PIGN: variants seen among roughly 807,000 people sequenced by gnomAD.
PIGN encodes the protein phosphatidylinositol glycan anchor biosynthesis class N, also known as GPI ethanolamine phosphate transferase 1.
A neutral mutation model predicts 125.4 loss-of-function variants in PIGN; 117 were observed. That is an observed-to-expected ratio of 0.93 (90% CI 0.80 to 1.09). PIGN has a LOEUF of 1.09. Among genes scored for constraint, PIGN ranks in the 50% least tolerant of loss-of-function variants. The probability of loss-of-function intolerance (pLI) is 0.00; values close to 1 mark genes in which losing one functional copy is unlikely to be tolerated. For synonymous variants in PIGN, 392 were observed against 377.8 expected, an observed-to-expected ratio of 1.04 and a Z score of -0.44; for missense variants, 1,075 against 1,094.9, an observed-to-expected ratio of 0.98 and a Z score of 0.26.
intron 20 of PIGN, among the ~76,000 whole-genome samples, chr18:62,104,413 A>G (rs1260415113): frequency 6.6e-6 from 1 of 152,188 alleles, no homozygotes; most frequent in Admixed American, 6.5e-5. Context: ...GAAACAATAC[A>G]AGAGCTTACA....
intron 16 of PIGN, among the ~76,000 whole-genome samples, chr18:62,110,855 T>A (rs2034848667): frequency 6.8e-6 from 1 of 147,666 alleles, no homozygotes; most frequent in South Asian, 2.1e-4. Context: ...AATATATATA[T>A]AATACATATA....
intron 23 of PIGN, among the ~76,000 whole-genome samples, chr18:62,090,856 G>C (rs2033922237): frequency 6.6e-6 from 1 of 151,918 alleles, no homozygotes; most frequent in African/African-American, 2.4e-5. Context: ...ATACATAAAA[G>C]AGAAAGAAGG....
intron 8 of PIGN, among the ~76,000 whole-genome samples, chr18:62,147,925 C>A (rs749385317): frequency 6.6e-5 from 10 of 151,926 alleles, no homozygotes; most frequent in Non-Finnish European, 1.3e-4. Context: ...GAAAATATTT[C>A]TAAAATATAT....
Position 62,146,988 on chromosome 18 carries a change from T to C in PIGN, c.788A>G (p.His263Arg), listed in dbSNP as rs769911366. Residue 263 changes from histidine (H) to arginine (R), a missense_variant, in exon 9 of 31, where the codon CAT becomes CGT. Coordinates refer to ENST00000640252, the MANE Select transcript of PIGN (RefSeq NM_176787.5). ...ACACTAACCCCAGTCTGTCATTCCA[T>C]GGTCAGAGGTAAAGATAAATGTTGT... ...GKTTFIFTSD[H>R]GMTDWGSHGA... is the part of the protein sequence containing the mutation. 6.2e-7 allele frequency: 1 copy of C among 1,612,100 alleles called. No homozygotes were observed. The highest frequency in any genetic ancestry group is 1.1e-5 in the South Asian group (1 of 91,042).
rs1331235783 is a variant in PIGN at position 62,042,585 on chromosome 18, GTAA to G, written c.*3268_*3270del. On this transcript the variant is annotated 3_prime_UTR_variant, in exon 31 of 31. Transcript: ENST00000640252. ...GTACTTTTCATGAGTTTACCCAAGA[GTAA>G]TAATAATTCTAGATTTTAGCCCTGT... 1 of 151,880 alleles carries G rather than the reference GTAA, an allele frequency of 6.6e-6. No homozygotes were observed. The highest frequency in any genetic ancestry group is 1.9e-4 in the East Asian group (1 of 5,198). 9.4% of individuals were successfully genotyped at this position (151,880 alleles called of 1,614,324 possible).
intron 23 of PIGN, among the ~76,000 whole-genome samples, chr18:62,021,236 A>G (rs1310471213): frequency 1.3e-5 from 2 of 152,230 alleles, no homozygotes; most frequent in African/African-American, 4.8e-5. Flanking sequence ...AAACCGCCAA[A>G]CAGAGAACAA....
chr18:62,038,420 C>T (rs2030290746), downstream of PIGN, among the ~76,000 whole-genome samples: 1 of 145,504 alleles, frequency 6.9e-6, no homozygotes, highest in Non-Finnish European at 1.5e-5. Context: ...TAGAAACTTT[C>T]TCTCAGTTGC....
chr18:62,141,807 G>A (rs967126111), intron 11 of PIGN, among the ~76,000 whole-genome samples: 3 of 152,128 alleles, frequency 2.0e-5, no homozygotes, highest in African/African-American at 7.2e-5. Context: ...AAGGGGCTGC[G>A]CCTCCCTTCT....
intron 23 of PIGN, among the ~76,000 whole-genome samples, chr18:62,092,525 A>T (rs1353488111): frequency 2.0e-5 from 3 of 152,086 alleles, no homozygotes; most frequent in Non-Finnish European, 4.4e-5. Flanking sequence ...AACAAAATCC[A>T]TATCATGAAA....
intron 30 of PIGN, among the ~76,000 whole-genome samples, chr18:62,055,706 TATA>T (rs1335118077): frequency 6.6e-6 from 1 of 152,102 alleles, no homozygotes; most frequent in African/African-American, 2.4e-5. Context: ...CATGTGAATC[TATA>T]ATAATGTTAA....
Position 62,101,172 on chromosome 18 carries a change from T to C in PIGN, c.1980A>G (p.Thr660=), listed in dbSNP as rs774703154. The part of the protein sequence containing the change: ...LLVHLLQVLS[T]VLSMYVVYST... ...TATACACAACATACATGGAGAGCAC[T>C]GTGCTCAGCACCTAAAGACAAAGAT... The change falls in exon 22 of 31, where the codon ACA becomes ACG. Residue 660 remains threonine (T), a synonymous_variant. Coordinates refer to ENST00000640252, the MANE Select transcript of PIGN (RefSeq NM_176787.5). The C allele has an allele frequency of 1.3e-6, 2 of 1,594,176 alleles. No homozygotes were observed. Among genetic ancestry groups the C allele is most frequent in the South Asian group, 1.1e-5 (1 of 90,454 alleles).
intron 10 of PIGN, 21 bp downstream of exon 10, chr18:62,145,888 C>A (rs761532482): frequency 7.0e-6 from 8 of 1,148,348 alleles, no homozygotes; most frequent in Admixed American, 1.7e-5. Context: ...TATTTATAAA[C>A]CAGTAAAGAA....
intron 10 of PIGN, among the ~76,000 whole-genome samples, chr18:62,143,855 T>C (rs1165415766): frequency 6.6e-6 from 1 of 152,210 alleles, no homozygotes. Flanking sequence ...ATTATTAAAA[T>C]TGTCTTCAAA....
At chr18:62,174,077 G>A (rs1032149060) in intron 1 of PIGN, among the ~76,000 whole-genome samples, 17 of 152,090 alleles carry the variant, frequency 1.1e-4, no homozygotes, top group African/African-American at 3.4e-4. Context: ...AGCTGGGCAT[G>A]GTGGCGGGCA....
rs575072513 is a variant in PIGN at position 62,124,379 on chromosome 18, A to G, written c.1173-9740T>C. On this transcript the variant is annotated intron_variant, in intron 14 of 30. Coordinates refer to ENST00000640252, the MANE Select transcript of PIGN (RefSeq NM_176787.5). ...ACATAAAGGTACTAAATTACATATC[A>G]TTTGAGGCAGAAGGAATGGCAAAAA... Among the ~76,000 whole-genome samples the G allele has an allele frequency of 2.6e-5, 4 of 152,272 alleles. No homozygotes were observed. The South Asian group carries it at 8.3e-4, about 32-fold the overall frequency.
intron 14 of PIGN, among the ~76,000 whole-genome samples, chr18:62,116,377 C>G (rs1249011168): frequency 1.3e-5 from 2 of 152,172 alleles, no homozygotes; most frequent in African/African-American, 4.8e-5. Flanking sequence ...TTGATATGGG[C>G]ATCTCACTGT....
intron 1 of PIGN, among the ~76,000 whole-genome samples, chr18:62,167,708 A>G (rs1178882959): frequency 1.3e-5 from 2 of 151,702 alleles, no homozygotes; most frequent in Non-Finnish European, 2.9e-5. Flanking sequence ...ACATATATAT[A>G]TATATACACA....
At chr18:62,136,060 T>C (rs1268882892) in intron 14 of PIGN, 2 of 152,222 alleles carry the variant, frequency 1.3e-5, no homozygotes, top group South Asian at 2.1e-4. Context: ...AAACACATAC[T>C]AGTCAATCAA....
At chr18:62,038,308 G>GTTTTTTTTTTTTTTTTTTTTTT (rs34436733), downstream of PIGN, among the ~76,000 whole-genome samples, 1 of 120,088 alleles carries the variant, frequency 8.3e-6, no homozygotes. Flanking sequence ...CCCCCTCCGT[G>GTTTTTTTTTTTTTTTTTTTTTT]TTTTTTTTTT....
Sources: gnomAD v4.1 joint callset for allele counts (sites outside exome capture counted in the v4.1 genomes callset) on GRCh38, gnomAD v4.1.1 for gene constraint, MANE v1.5 for transcripts, NCBI Gene and HGNC (gene_info 2026-07-23, HGNC 2026-07-21) for gene names.